Variants in PADI6 observed in about 807,000 individuals in gnomAD.
The protein encoded by PADI6 is peptidyl arginine deiminase 6.
In PADI6, 66 loss-of-function variants were observed where a neutral mutation model predicts 78.2. The ratio of observed to expected loss-of-function variants is 0.84; its 90% CI spans 0.69 to 1.04. The LOEUF is 1.04. PADI6 is among the 50% of genes least tolerant of loss of function. The pLI is 0.00. For synonymous variants in PADI6, 397 were observed against 346.9 expected (o/e 1.14, Z -1.60); for missense variants, 854 against 866.1 (o/e 0.99, Z 0.18).
intron 15 of PADI6, among the ~76,000 whole-genome samples, chr1:17,400,033 A>C (rs2075285668): frequency 6.7e-6 from 1 of 150,142 alleles, no homozygotes; most frequent in Admixed American, 6.6e-5. Context: ...ACTGTCTCCC[A>C]AAAAAACAAA....
intron 1 of PADI6, 108 bp from the exon 2 acceptor site, chr1:17,372,948 C>T: frequency 8.4e-7 from 1 of 1,189,368 alleles, no homozygotes; most frequent in Non-Finnish European, 1.2e-6. Flanking sequence ...TGCCTCAACA[C>T]CCTAAGGAGA....
chr1:17,391,963 G>C, intron 8 of PADI6, 151 bp from the exon 9 acceptor site: 1 of 630,928 alleles, frequency 1.6e-6, no homozygotes, highest in Non-Finnish European at 2.8e-6. Flanking sequence ...CTTGTGCCGA[G>C]GTCAGGGATG....
intron 3 of PADI6, among the ~76,000 whole-genome samples, chr1:17,376,566 TTTTTTG>T (rs2075019631): frequency 1.3e-5 from 2 of 150,844 alleles, no homozygotes; most frequent in South Asian, 4.2e-4. Context: ...GTGGGCTAAT[TTTTTTG>T]TATTTTTAGT....
chr1:17,383,639 G>A (rs931875931), intron 6 of PADI6, among the ~76,000 whole-genome samples: 2 of 152,224 alleles, frequency 1.3e-5, no homozygotes, highest in African/African-American at 4.8e-5. Context: ...CCTGAGGTCA[G>A]GAGTTCGAGA....
intron 5 of PADI6, 111 bp from the exon 6 acceptor site, chr1:17,381,856 G>A (rs945235936): frequency 1.6e-6 from 2 of 1,283,678 alleles, no homozygotes; most frequent in Non-Finnish European, 2.2e-6. Context: ...AAAAGGCAGG[G>A]GGTCCTTGGT....
chr1:17,388,183 A>G (rs897557325), intron 6 of PADI6, among the ~76,000 whole-genome samples, 198 bp from the exon 7 acceptor site: 1 of 152,224 alleles, frequency 6.6e-6, no homozygotes, highest in African/African-American at 2.4e-5. Context: ...ATAACTGGCC[A>G]TTGCTTGTGT....
chr1:17,381,918 A>G, intron 5 of PADI6, 49 bp from the exon 6 acceptor site: 1 of 1,609,630 alleles, frequency 6.2e-7, no homozygotes, highest in Middle Eastern at 1.7e-4. Flanking sequence ...CCACCCCCAG[A>G]GTGCTGGCCT....
In PADI6 at chr1:17,389,489, G is replaced by A. The variant is rs561191939; in HGVS notation, c.962+609G>A. Among the ~76,000 whole-genome samples the A allele has an allele frequency of 7.5e-4, 114 of 152,236 alleles. 1 individual carries two copies. Among genetic ancestry groups the A allele is most frequent in the African/African-American group, 2.5e-3 (103 of 41,536 alleles). ...GTGCACACATCCTAGGTCCAGGCCC[G>A]GGCCCCAGGAGGGAGAAAGAGCCAA... On this transcript the variant is annotated intron_variant, in intron 8 of 15. Transcript: ENST00000619609.
intron 3 of PADI6, among the ~76,000 whole-genome samples, chr1:17,379,393 C>T (rs1220764466): frequency 3.5e-5 from 5 of 144,090 alleles, no homozygotes; most frequent in Admixed American, 1.3e-4. Context: ...GGATTACAGG[C>T]GTGAGCCATC....
At chr1:17,396,751 A>AG (rs1175418688) in intron 13 of PADI6, among the ~76,000 whole-genome samples, 2 of 152,190 alleles carry the variant, frequency 1.3e-5, no homozygotes, top group Admixed American at 6.5e-5. Flanking sequence ...TATTGGCATA[A>AG]GGGGAGTAGG....
At chr1:17,393,614 C>T (rs2075214699) in intron 9 of PADI6, among the ~76,000 whole-genome samples, 1 of 152,156 alleles carries the variant, frequency 6.6e-6, no homozygotes, top group South Asian at 2.1e-4. Context: ...GCTGGGATTA[C>T]AGGCATGAGC....
intron 6 of PADI6, among the ~76,000 whole-genome samples, chr1:17,387,401 T>C (rs113469083): frequency 0.014 from 2,084 of 147,568 alleles, 52 homozygotes; most frequent in African/African-American, 0.048. Context: ...GCCGAGATAG[T>C]GCCGCTACAC....
chr1:17,375,154 G>A lies in PADI6; in HGVS notation c.295-273G>A, dbSNP rs115873975. Among the ~76,000 whole-genome samples, 644 of 152,226 alleles carry A rather than the reference G, an allele frequency of 4.2e-3. 5 individuals are homozygous for A. The highest frequency in any genetic ancestry group is 0.015 in the African/African-American group (608 of 41,540). ...TTGGGATAAGTCCCTTGATCACCCC[G>A]CCATCAGGGATACAGCTCTCACGTG... On this transcript the variant is annotated intron_variant, in intron 2 of 15. Coordinates refer to ENST00000619609, the MANE Select transcript of PADI6 (RefSeq NM_207421.4).
intron 8 of PADI6, among the ~76,000 whole-genome samples, chr1:17,390,068 G>T (rs776060846): frequency 3.9e-5 from 6 of 152,214 alleles, no homozygotes; most frequent in East Asian, 1.9e-4. Flanking sequence ...GGAGGCCGAG[G>T]CAGGAGGATC....
chr1:17,394,054 T>A lies in PADI6; in HGVS notation c.1154T>A (p.Leu385His). 1 of 1,613,878 alleles carries A rather than the reference T, an allele frequency of 6.2e-7. No homozygotes were observed. Among genetic ancestry groups the A allele is most frequent in the Non-Finnish European group, 8.5e-7 (1 of 1,179,846 alleles). Reference sequence around the variant, plus strand: ...CTCGACACACCTCAGGCCGCCGATCTCGATGAGTTCCCCATGAAGTACTCA... The same window carrying A: ...CTCGACACACCTCAGGCCGCCGATCACGATGAGTTCCCCATGAAGTACTCA... ...LILDTPQAAD[L>H]DEFPMKYSLS... is the part of the protein sequence containing the mutation. Residue 385 changes from leucine to histidine, a missense_variant, in exon 10 of 16, where the codon CTC (leucine) becomes CAC (histidine). Transcript: ENST00000619609.
chr1:17,386,864 C>T lies in PADI6; in HGVS notation c.680-1517C>T, dbSNP rs1009450529. ...GTGCCTAACCAGGGGCAGCCACGGC[C>T]GCAGCTGCAGCCATCTGCTGGCACG... On this transcript the variant is annotated intron_variant, in intron 6 of 15. Transcript: ENST00000619609. 7.9e-5 allele frequency among the ~76,000 whole-genome samples: 12 copies of T among 152,280 alleles called. No individual in the cohort carries two copies. In the South Asian group the frequency reaches 8.3e-4, roughly 11 times the overall value.
chr1:17,376,388 C>A (rs1343422622), intron 3 of PADI6, among the ~76,000 whole-genome samples: 1 of 151,980 alleles, frequency 6.6e-6, no homozygotes, highest in African/African-American at 2.4e-5. Context: ...CCCATTCCAC[C>A]TCCCAGGTTC....
intron 1 of PADI6, 128 bp from the exon 2 acceptor site, chr1:17,372,928 C>T: frequency 2.0e-6 from 2 of 994,108 alleles, no homozygotes; most frequent in Admixed American, 2.6e-5. Context: ...ATAAGGACCC[C>T]AGACCACTCT....
chr1:17,399,388 C>CAGGA (rs2100329546), intron 15 of PADI6, among the ~76,000 whole-genome samples: 1 of 152,196 alleles, frequency 6.6e-6, no homozygotes, highest in East Asian at 1.9e-4. Flanking sequence ...CACCTGAGGT[C>CAGGA]AGGAGTTTGA....
Sources: allele counts gnomAD v4.1 joint callset (sites outside exome capture counted in the v4.1 genomes callset), GRCh38; gene constraint gnomAD v4.1.1; transcripts MANE v1.5; gene names NCBI Gene and HGNC (gene_info 2026-07-23, HGNC 2026-07-21).